The following DENND5B variants were observed in gnomAD, a reference collection of about 807,000 sequenced individuals.
DENND5B encodes the protein DENN domain-containing protein 5B.
Under a neutral mutation model 140.6 loss-of-function variants are expected in DENND5B, and 34 were observed. The observed-to-expected ratio is 0.24, with a 90% CI of 0.18 to 0.32. The LOEUF is 0.32. Ranked by LOEUF, DENND5B falls within the 10% of genes least tolerant of loss-of-function variation. The pLI is 1.00. For missense variants in DENND5B, 1,142 were observed against 1,560.2 expected (o/e 0.73, Z 4.52); for synonymous variants, 551 against 562.1 (o/e 0.98, Z 0.28).
At chr12:31,433,776 A>G (rs1165820178) in intron 7 of DENND5B, among the ~76,000 whole-genome samples, 1 of 152,198 alleles carries the variant, frequency 6.6e-6, no homozygotes, top group Non-Finnish European at 1.5e-5. Flanking sequence ...TTACACCTGT[A>G]ATCCTAGCAC....
chr12:31,388,532 T>TG (rs1233908197), intron 20 of DENND5B, among the ~76,000 whole-genome samples: 1 of 152,264 alleles, frequency 6.6e-6, no homozygotes, highest in African/African-American at 2.4e-5. Context: ...AGTAACCCAT[T>TG]GCTAAGTTCC....
intron 5 of DENND5B, among the ~76,000 whole-genome samples, chr12:31,450,427 T>G (rs1036363827): frequency 3.9e-5 from 6 of 152,202 alleles, no homozygotes; most frequent in African/African-American, 1.4e-4. Flanking sequence ...TGGCATCATC[T>G]TGGCTCACTG....
At chr12:31,551,381 G>A (rs930648261) in intron 1 of DENND5B, among the ~76,000 whole-genome samples, 16 of 152,012 alleles carry the variant, frequency 1.1e-4, no homozygotes, top group South Asian at 2.1e-4. Flanking sequence ...GTAGATATGC[G>A]GCATTATTTC....
chr12:31,583,377 T>C (rs1317718880), intron 1 of DENND5B, among the ~76,000 whole-genome samples: 1 of 151,632 alleles, frequency 6.6e-6, no homozygotes, highest in Non-Finnish European at 1.5e-5. Context: ...GTACTGACTA[T>C]AAAGAATTTA....
At chr12:31,448,262 G>A (rs1225186931) in intron 5 of DENND5B, among the ~76,000 whole-genome samples, 1 of 152,084 alleles carries the variant, frequency 6.6e-6, no homozygotes, top group African/African-American at 2.4e-5. Context: ...AGCCTCCTGA[G>A]TAGCTGGGAC....
chr12:31,569,617 T>G (rs1229547194), intron 1 of DENND5B, among the ~76,000 whole-genome samples: 2 of 152,030 alleles, frequency 1.3e-5, no homozygotes, highest in South Asian at 4.2e-4. Flanking sequence ...AAGACCAGCC[T>G]GGCCAATGTG....
In DENND5B at chr12:31,452,496, T is replaced by C. The variant is rs780457797; in HGVS notation, c.1093-20A>G. On this transcript the variant is annotated intron_variant, in intron 4 of 20. Transcript: ENST00000389082. ...ATTAGCCTGAAAGAGAAAAATGAAA[T>C]ACAAAGGTTTAAAATAAAGGAATTG... 7.7e-6 allele frequency: 12 copies of C among 1,567,852 alleles called. No homozygotes were observed. The South Asian group carries it at 1.4e-4, about 18-fold the overall frequency.
intron 2 of DENND5B, among the ~76,000 whole-genome samples, chr12:31,481,511 TAGA>T (rs1946068402): frequency 6.6e-6 from 1 of 152,076 alleles, no homozygotes; most frequent in African/African-American, 2.4e-5. Flanking sequence ...AGACACACAT[TAGA>T]AAAGAAGGAG....
intron 1 of DENND5B, among the ~76,000 whole-genome samples, chr12:31,530,171 G>A (rs1009597553): frequency 5.9e-5 from 9 of 152,090 alleles, no homozygotes; most frequent in Non-Finnish European, 1.0e-4. Context: ...TCAGGAGTTC[G>A]AGACCAGCCT....
chr12:31,528,502 G>A (rs2139061271), intron 1 of DENND5B, among the ~76,000 whole-genome samples: 1 of 152,260 alleles, frequency 6.6e-6, no homozygotes, highest in Non-Finnish European at 1.5e-5. Context: ...ATCTACCTAA[G>A]AGGTAAAAGT....
At chr12:31,455,182 C>T (rs1417775361) in intron 4 of DENND5B, among the ~76,000 whole-genome samples, 1 of 152,180 alleles carries the variant, frequency 6.6e-6, no homozygotes, top group Non-Finnish European at 1.5e-5. Flanking sequence ...TGTTAACCAG[C>T]AACCTCCCAC....
intron 1 of DENND5B, among the ~76,000 whole-genome samples, chr12:31,514,005 T>A (rs185607666): frequency 6.6e-6 from 1 of 152,116 alleles, no homozygotes. Context: ...ACCTGGCTAA[T>A]CTTCTTTAAA....
chr12:31,483,119 C>T (rs897448499), intron 2 of DENND5B, among the ~76,000 whole-genome samples: 2 of 152,334 alleles, frequency 1.3e-5, no homozygotes, highest in Middle Eastern at 6.8e-3. Flanking sequence ...ATGACTCATT[C>T]CTTGTGGCAG....
At chr12:31,536,458 T>C (rs2139128651) in intron 1 of DENND5B, among the ~76,000 whole-genome samples, 1 of 152,106 alleles carries the variant, frequency 6.6e-6, no homozygotes, top group South Asian at 2.1e-4. Flanking sequence ...AGTTTTTTAA[T>C]AGCAGAAGGA....
chr12:31,469,413 G>A (rs887593588), intron 3 of DENND5B, among the ~76,000 whole-genome samples: 1 of 151,900 alleles, frequency 6.6e-6, no homozygotes, highest in Non-Finnish European at 1.5e-5. Flanking sequence ...AAGGTGCTGG[G>A]TAAGTCCAAG....
chr12:31,462,872 T>C (rs112334665), intron 3 of DENND5B, among the ~76,000 whole-genome samples: 1,731 of 152,200 alleles, frequency 0.011, 19 homozygotes, highest in East Asian at 0.031. Context: ...GGCAGGAGAA[T>C]TGCTTGAACC....
chr12:31,491,602 C>T (rs2138688850), intron 2 of DENND5B, among the ~76,000 whole-genome samples: 1 of 152,162 alleles, frequency 6.6e-6, no homozygotes, highest in East Asian at 1.9e-4. Flanking sequence ...GCAAACATGT[C>T]AATGTTGACA....
intron 3 of DENND5B, among the ~76,000 whole-genome samples, chr12:31,469,128 A>T (rs1279565898): frequency 6.6e-6 from 1 of 152,064 alleles, no homozygotes; most frequent in Non-Finnish European, 1.5e-5. Context: ...GGAGGTCAGG[A>T]GTTCAAGACC....
At chr12:31,471,366 A>C (rs1945550763) in intron 3 of DENND5B, among the ~76,000 whole-genome samples, 1 of 152,004 alleles carries the variant, frequency 6.6e-6, no homozygotes, top group African/African-American at 2.4e-5. Context: ...CTAGGCTGGA[A>C]TGCAGTGGCA....
Sources: gnomAD v4.1 joint callset for allele counts (sites outside exome capture counted in the v4.1 genomes callset) on GRCh38, gnomAD v4.1.1 for gene constraint, MANE v1.5 for transcripts, NCBI Gene and HGNC (gene_info 2026-07-23, HGNC 2026-07-21) for gene names.